Variants in NEMP2 observed in about 807,000 individuals in gnomAD.
NEMP2 encodes nuclear envelope integral membrane protein 2, also known as UPF0571 transmembrane protein.
NEMP2 carries 53 observed loss-of-function variants against 54.2 expected under a neutral mutation model. That is an observed-to-expected ratio of 0.98 (90% CI 0.78 to 1.23). The LOEUF (loss-of-function observed/expected upper bound fraction) is 1.23, where lower values mean the gene tolerates loss of function less well. Among genes scored for constraint, NEMP2 ranks in the 50% most tolerant of loss-of-function variants. The probability of loss-of-function intolerance (pLI) is 0.00; values close to 1 mark genes in which losing one functional copy is unlikely to be tolerated. For synonymous variants in NEMP2, 197 were observed against 190.3 expected, an observed-to-expected ratio of 1.04 and a Z score of -0.29; for missense variants, 455 against 511.3, an observed-to-expected ratio of 0.89 and a Z score of 1.06.
chr2:190,448,474 G>A, the NEMP2 span, among the ~76,000 whole-genome samples: 1 of 152,180 alleles, frequency 6.6e-6, no homozygotes, highest in Non-Finnish European at 1.5e-5. Flanking sequence ...AAATGTTAAT[G>A]CAGGGGTTAA....
chr2:190,468,688 G>A, the NEMP2 span, among the ~76,000 whole-genome samples: 4 of 151,050 alleles, frequency 2.6e-5, no homozygotes, highest in Non-Finnish European at 4.4e-5. Context: ...TGAACTCTTG[G>A]GCGCAAGTGA....
In NEMP2 at chr2:190,514,492, C is replaced by T. The variant is rs1327425271; in HGVS notation, c.914G>A (p.Ser305Asn). Reference sequence around the variant, plus strand: ...GCATGCTCTCAGTGGGTAGTGCAGACTCCAGGAGGACATGAGGAGGATTAT... The same window carrying T: ...GCATGCTCTCAGTGGGTAGTGCAGATTCCAGGAGGACATGAGGAGGATTAT... Reference protein sequence around the residue: ...AAIILLMSSWSLHYPLRACSY... With the variant: ...AAIILLMSSWNLHYPLRACSY... Residue 305 changes from serine (S) to asparagine (N), a missense_variant, in exon 7 of 9, where the codon AGT (serine) becomes AAT (asparagine). Around this residue, in one of 3 missense-constraint regions of NEMP2, gnomAD observed 294 missense variants for 333.6 expected, o/e 0.88. Transcript: ENST00000409150. This position sits in a 1 kb window ranked among gnomAD's most constrained non-coding sequence, Gnocchi z 5.7. The T allele has an allele frequency of 5.2e-6, 8 of 1,551,458 alleles. No individual in the cohort carries two copies. In the Admixed American group the frequency reaches 5.9e-5, roughly 11 times the overall value.
chr2:190,534,465 G>A (rs1691287227), intron 1 of NEMP2, 94 bp downstream of exon 1: 1 of 1,263,230 alleles, frequency 7.9e-7, no homozygotes, highest in Non-Finnish European at 9.9e-7. Context: ...GGGCCTCGCG[G>A]TGCCGCCCGG....
rs1691006362 is a variant in NEMP2, at chr2:190,528,125, C to T, written c.98-2747G>A. On this transcript the variant is annotated intron_variant, in intron 1 of 8. Coordinates refer to ENST00000409150, the MANE Select transcript of NEMP2 (RefSeq NM_001142645.2). This position sits in a 1 kb window ranked among gnomAD's most constrained non-coding sequence, Gnocchi z 4.3. The stretch of plus-strand genomic sequence containing the variant: ...ACACAAAGCAACCAATGCTGAGGCA[C>T]ATTTTTGAATATATCTGAGATGCAA... 6.6e-6 allele frequency among the ~76,000 whole-genome samples: 1 copy of T among 152,192 alleles called. No homozygotes were observed. The highest frequency in any genetic ancestry group is 2.4e-5 in the African/African-American group (1 of 41,450).
the NEMP2 span, among the ~76,000 whole-genome samples, chr2:190,495,263 ATAAAG>A: frequency 1.3e-5 from 2 of 152,160 alleles, no homozygotes; most frequent in South Asian, 4.1e-4. This position sits in a 1 kb window ranked among gnomAD's most constrained non-coding sequence, Gnocchi z 4.7. Context: ...GCTGCAAAAA[ATAAAG>A]TATTTAGGAA....
the NEMP2 span, among the ~76,000 whole-genome samples, chr2:190,434,202 AAAG>A: frequency 1.3e-5 from 2 of 151,872 alleles, no homozygotes; most frequent in East Asian, 1.9e-4. The surrounding 1 kb of genome is among the most constrained non-coding windows in gnomAD (Gnocchi z 4.3). Flanking sequence ...AAAAGAAAAA[AAAG>A]AAAAGAAGGT....
the NEMP2 span, chr2:190,442,847 T>C: frequency 6.6e-6 from 1 of 152,076 alleles, no homozygotes; most frequent in African/African-American, 2.4e-5. Context: ...GGGATGCAGA[T>C]TTGCAGCAGT....
the NEMP2 span, among the ~76,000 whole-genome samples, chr2:190,563,357 C>T: frequency 6.6e-6 from 1 of 152,168 alleles, no homozygotes; most frequent in Admixed American, 6.5e-5. This position sits in a 1 kb window ranked among gnomAD's most constrained non-coding sequence, Gnocchi z 4.3. Flanking sequence ...CTCCTTCACG[C>T]AGGTAGACGT....
the NEMP2 span, among the ~76,000 whole-genome samples, chr2:190,574,841 TTTTTC>T: frequency 1.5e-5 from 2 of 130,542 alleles, no homozygotes; most frequent in Non-Finnish European, 3.2e-5. Flanking sequence ...TCCTTCCTTC[TTTTTC>T]TTTTCTTTTC....
chr2:190,642,230 T>G, the NEMP2 span, among the ~76,000 whole-genome samples: 11 of 152,176 alleles, frequency 7.2e-5, no homozygotes, highest in South Asian at 2.1e-4. This position sits in a 1 kb window ranked among gnomAD's most constrained non-coding sequence, Gnocchi z 4.1. Context: ...TGTTGTTGTT[T>G]TATTCTTACA....
At position 190,533,968 on chromosome 2, in the gene NEMP2, A is replaced by G. The variant is rs999614939; in HGVS notation, c.97+591T>C. On this transcript the variant is annotated intron_variant, in intron 1 of 8. Transcript: ENST00000409150. This position sits in a 1 kb window ranked among gnomAD's most constrained non-coding sequence, Gnocchi z 4.3. The stretch of plus-strand genomic sequence containing the variant: ...AGTTCTTGCTTCCTGTGTGCCAGGC[A>G]TTGTGCACACGAACACCACAAGAAC... The G allele has an allele frequency of 1.7e-5, 17 of 985,082 alleles. No homozygotes were observed. In the African/African-American group the frequency reaches 2.8e-4, roughly 16 times the overall value. The allele number at this position is 985,082 out of a possible 1,614,324, so 61.0% of individuals were successfully genotyped here. A position where few individuals can be genotyped will look rare whatever the true frequency, so the allele number is the denominator to read the frequency against.
the NEMP2 span, among the ~76,000 whole-genome samples, chr2:190,449,504 C>T: frequency 2.6e-5 from 4 of 152,018 alleles, no homozygotes; most frequent in African/African-American, 9.7e-5. Flanking sequence ...AAACTGTGTC[C>T]AACAACTTTG....
At chr2:190,624,820 G>A in the NEMP2 span, 3 of 152,132 alleles carry the variant, frequency 2.0e-5, no homozygotes, top group African/African-American at 7.2e-5. Context: ...GGGTGAAGGA[G>A]AGACAAAGAA....
chr2:190,455,006 T>TATGTATA, the NEMP2 span, among the ~76,000 whole-genome samples: 29 of 119,136 alleles, frequency 2.4e-4, no homozygotes, highest in African/African-American at 7.1e-4. Context: ...GTATAATGTA[T>TATGTATA]ATGTATATGT....
At chr2:190,441,421 T>A in the NEMP2 span, among the ~76,000 whole-genome samples, 1 of 147,408 alleles carries the variant, frequency 6.8e-6, no homozygotes, top group Non-Finnish European at 1.5e-5. Flanking sequence ...CAGCCAAGGT[T>A]GAGAACCACC....
the NEMP2 span, among the ~76,000 whole-genome samples, chr2:190,573,289 T>C: frequency 4.6e-5 from 7 of 152,204 alleles, no homozygotes; most frequent in African/African-American, 1.7e-4. Context: ...TTAAGGCTGT[T>C]GACAAATACT....
chr2:190,534,866 C>A, upstream of NEMP2: 1 of 386,186 alleles, frequency 2.6e-6, no homozygotes, highest in African/African-American at 2.1e-5. Flanking sequence ...GGGCCCAGGC[C>A]GGAGGAGCTT....
the NEMP2 span, among the ~76,000 whole-genome samples, chr2:190,423,404 G>A: frequency 6.6e-6 from 1 of 152,154 alleles, no homozygotes; most frequent in Non-Finnish European, 1.5e-5. This position sits in a 1 kb window ranked among gnomAD's most constrained non-coding sequence, Gnocchi z 4.3. Flanking sequence ...TTTTGAGATA[G>A]GATTTTTTCA....
chr2:190,423,537 C>T, the NEMP2 span, among the ~76,000 whole-genome samples: 1 of 152,172 alleles, frequency 6.6e-6, no homozygotes, highest in Non-Finnish European at 1.5e-5. The surrounding 1 kb of genome is among the most constrained non-coding windows in gnomAD (Gnocchi z 4.3). Context: ...TCCTTCCATC[C>T]TTTGAAGGGC....
Sources: gnomAD v4.1 joint callset for allele counts (sites outside exome capture counted in the v4.1 genomes callset) on GRCh38, gnomAD v4.1.1 for gene constraint, gnomAD v4.1.1 regional missense constraint, Gnocchi (gnomAD v3.1) non-coding constraint, MANE v1.5 for transcripts, NCBI Gene and HGNC (gene_info 2026-07-23, HGNC 2026-07-21) for gene names.